CDC45: variants seen among roughly 807,000 people sequenced by gnomAD.
The protein encoded by CDC45 is cell division control protein 45 homolog.
A neutral mutation model predicts 77.8 loss-of-function variants in CDC45; 54 were observed. That is an observed-to-expected ratio of 0.69 (90% CI 0.56 to 0.87). The LOEUF is 0.87. Among genes scored for constraint, CDC45 ranks in the 40% least tolerant of loss-of-function variants. The pLI, the probability that CDC45 is intolerant of heterozygous loss-of-function variation, is 0.00. For missense variants in CDC45, 649 were observed against 721.6 expected (o/e 0.90, Z 1.15); for synonymous variants, 260 against 272.1 (o/e 0.96, Z 0.44).
In CDC45 at chr22:19,480,057, G is replaced by T. The variant is rs762612258; in HGVS notation, c.51+38G>T. ...CCGGGACCCCCGCCGAGGCCTTGCC[G>T]GTGGGGAAGGGATGAGGGGGAGCGA... On this transcript the variant is annotated intron_variant, in intron 1 of 18. Coordinates refer to ENST00000263201, the MANE Select transcript of CDC45 (RefSeq NM_003504.5). The T allele has an allele frequency of 3.1e-6, 5 of 1,613,136 alleles. No individual in the cohort carries two copies. The South Asian group carries it at 5.5e-5, about 18-fold the overall frequency.
At chr22:19,496,272 A>G (rs2090240522) in intron 7 of CDC45, among the ~76,000 whole-genome samples, 1 of 152,246 alleles carries the variant, frequency 6.6e-6, no homozygotes, top group Admixed American at 6.5e-5. Context: ...TTTGCACCCA[A>G]TAGGTGATCA....
In CDC45 at chr22:19,480,953, G is replaced by C. The variant is rs1302189656; in HGVS notation, c.112G>C (p.Ala38Pro). 1 of 1,603,654 alleles carries C rather than the reference G, an allele frequency of 6.2e-7. No individual in the cohort carries two copies. Among genetic ancestry groups the C allele is most frequent in the South Asian group, 1.1e-5 (1 of 89,918 alleles). Reference sequence around the variant, plus strand: ...GGCTTTGAAAACACTCTCTCTCCAGGCCTTGTTCCAGTGTGACCACGTGCA... The same window carrying C: ...GGCTTTGAAAACACTCTCTCTCCAGCCCTTGTTCCAGTGTGACCACGTGCA... ...DALCACKILQ[A>P]LFQCDHVQYT... Residue 38 changes from alanine to proline, a missense_variant and splice_region_variant, in exon 3 of 19, where the codon GCC (alanine) becomes CCC (proline). Ala to Pro is a conservative substitution (Grantham distance 27, BLOSUM62 -1). Transcript: ENST00000263201.
Position 19,516,804 on chromosome 22 carries a change from T to C in CDC45, c.1560-13T>C, listed in dbSNP as rs1487618456. 3.1e-6 allele frequency: 5 copies of C among 1,613,446 alleles called. No individual in the cohort carries two copies. The highest frequency in any genetic ancestry group is 4.2e-6 in the Non-Finnish European group (5 of 1,179,420). On this transcript the variant is annotated splice_polypyrimidine_tract_variant and intron_variant, in intron 16 of 18. Coordinates refer to ENST00000263201, the MANE Select transcript of CDC45 (RefSeq NM_003504.5). ...AGGCCGCCTGGCCCCCGACATGTCTTGTGTGTCAGCAGCTTTTTTGGGAGG... is the reference window on the plus strand; with the variant it reads ...AGGCCGCCTGGCCCCCGACATGTCTCGTGTGTCAGCAGCTTTTTTGGGAGG...
intron 9 of CDC45, among the ~76,000 whole-genome samples, chr22:19,504,441 C>T (rs1185681276): frequency 6.6e-5 from 10 of 152,080 alleles, no homozygotes; most frequent in Admixed American, 3.9e-4. Context: ...CTGGGATTAC[C>T]AGTATGCAGC....
At chr22:19,501,876 G>A (rs1311583372) in intron 9 of CDC45, among the ~76,000 whole-genome samples, 1 of 152,058 alleles carries the variant, frequency 6.6e-6, no homozygotes, top group Non-Finnish European at 1.5e-5. Flanking sequence ...CGCCATGCCT[G>A]GCTAATTTTT....
At chr22:19,507,284 G>C in intron 10 of CDC45, 102 bp from the exon 11 acceptor site, 2 of 1,418,748 alleles carry the variant, frequency 1.4e-6, no homozygotes, top group Non-Finnish European at 1.9e-6. Context: ...AGGCAGGCCT[G>C]GTGAGAAAGG....
Position 19,481,040 on chromosome 22 carries a change from G to C in CDC45, c.199G>C (p.Glu67Gln), listed in dbSNP as rs545468684. 52 of 1,608,296 alleles carry C rather than the reference G, an allele frequency of 3.2e-5. No homozygotes were observed. In the East Asian group the frequency reaches 1.0e-3, roughly 32 times the overall value. ...ELETAFLEHK[E>Q]QFHYFILINC... ...TGAAACTGCATTTCTTGAGCATAAA[G>C]AACAGGTATTGAAGATGCGTTTTAG... is the stretch of plus-strand genomic sequence containing the variant. Residue 67 changes from glutamate (E) to glutamine (Q), a missense_variant, in exon 3 of 19, where the codon GAA (glutamate) becomes CAA (glutamine). Transcript: ENST00000263201.
At chr22:19,483,293 A>G (rs558367122) in intron 4 of CDC45, among the ~76,000 whole-genome samples, 1 of 151,984 alleles carries the variant, frequency 6.6e-6, no homozygotes, top group African/African-American at 2.4e-5. Context: ...TTAGCCAGGC[A>G]TAGTGTTGGA....
At chr22:19,486,800 CCA>C (rs2090074956) in intron 5 of CDC45, among the ~76,000 whole-genome samples, 1 of 152,084 alleles carries the variant, frequency 6.6e-6, no homozygotes. Flanking sequence ...CCTCAGACTC[CCA>C]AGTAGCTGGG....
At chr22:19,497,697 C>T (rs956174460) in intron 8 of CDC45, among the ~76,000 whole-genome samples, 4 of 152,186 alleles carry the variant, frequency 2.6e-5, no homozygotes, top group African/African-American at 9.7e-5. Context: ...GCTTCACCTT[C>T]CCCACTCCTG....
intron 5 of CDC45, among the ~76,000 whole-genome samples, chr22:19,489,933 C>T (rs1313418464): frequency 1.3e-5 from 2 of 152,302 alleles, no homozygotes; most frequent in East Asian, 3.9e-4. Context: ...AGTTCTATCA[C>T]TTTTTACTTC....
At chr22:19,494,573 G>T in intron 6 of CDC45, 191 bp downstream of exon 6, 5 of 1,548,500 alleles carry the variant, frequency 3.2e-6, no homozygotes, top group Non-Finnish European at 4.4e-6. Flanking sequence ...CCGGTCCCAT[G>T]AGTGACAGGA....
At chr22:19,499,583 AG>A (rs749276277) in intron 9 of CDC45, among the ~76,000 whole-genome samples, 109 of 152,300 alleles carry the variant, frequency 7.2e-4, no homozygotes, top group Non-Finnish European at 5.4e-4. Context: ...CCCAAAGGTA[AG>A]GGGAAGGCTC....
At chr22:19,500,611 C>G (rs1601955289) in intron 9 of CDC45, among the ~76,000 whole-genome samples, 1 of 152,266 alleles carries the variant, frequency 6.6e-6, no homozygotes, top group Non-Finnish European at 1.5e-5. Context: ...AAGGACCCCA[C>G]GAGGAGCTGA....
At chr22:19,479,857 T>G, upstream of CDC45, 1 of 1,039,782 alleles carries the variant, frequency 9.6e-7, no homozygotes, top group South Asian at 1.3e-5. Context: ...TAAGAAGCTA[T>G]TGGTTGGTGA....
In CDC45 at chr22:19,480,015, G is replaced by A; in HGVS notation, c.47G>A (p.Ser16Asn). 6.2e-7 allele frequency: 1 copy of A among 1,614,020 alleles called. No homozygotes were observed. Among genetic ancestry groups the A allele is most frequent in the Middle Eastern group, 1.7e-4 (1 of 6,052 alleles). ...FRKEFYEVVQ[S>N]QRVLLFVASD... ...AAAGAGTTCTACGAGGTGGTCCAGA[G>A]CCAGGTGACGCCCAGTCCGGGACCC... is the stretch of plus-strand genomic sequence containing the variant. The change falls in exon 1 of 19, where the codon AGC (serine) becomes AAC (asparagine). Residue 16 changes from serine (S) to asparagine (N), a missense_variant. Physicochemically the swap from Ser to Asn is conservative, Grantham distance 46. Transcript: ENST00000263201.
At chr22:19,489,109 G>A (rs1367081750) in intron 5 of CDC45, among the ~76,000 whole-genome samples, 1 of 152,050 alleles carries the variant, frequency 6.6e-6, no homozygotes, top group Non-Finnish European at 1.5e-5. Flanking sequence ...CCAGTAAGTC[G>A]AGGCTGCAGT....
intron 3 of CDC45, among the ~76,000 whole-genome samples, chr22:19,482,164 A>G (rs1462184245): frequency 6.6e-6 from 1 of 152,094 alleles, no homozygotes; most frequent in Non-Finnish European, 1.5e-5. Flanking sequence ...CATATCTAGG[A>G]TTGTTTTGGC....
At position 19,520,025 on chromosome 22, in the gene CDC45, G is replaced by A. The variant is rs528385148; in HGVS notation, c.*2-456G>A. 9.8e-5 allele frequency among the ~76,000 whole-genome samples: 15 copies of A among 152,346 alleles called. No individual in the cohort carries two copies. The highest frequency in any genetic ancestry group is 3.1e-4 in the African/African-American group (13 of 41,576). ...ATCACAGGACTGCATAGGGTGGGGC[G>A]GAGGCAGAGGTGGGGCTCTCTGGCA... On this transcript the variant is annotated intron_variant, in intron 18 of 18. Transcript: ENST00000263201. This position sits in a 1 kb window ranked among gnomAD's most constrained non-coding sequence, Gnocchi z 4.5.
Sources: gnomAD v4.1 joint callset for allele counts (sites outside exome capture counted in the v4.1 genomes callset) on GRCh38, gnomAD v4.1.1 for gene constraint, Gnocchi (gnomAD v3.1) non-coding constraint, MANE v1.5 for transcripts, NCBI Gene and HGNC (gene_info 2026-07-23, HGNC 2026-07-21) for gene names.